PIK3C2G: variants seen among roughly 807,000 people sequenced by gnomAD.
The protein encoded by PIK3C2G is phosphatidylinositol-4-phosphate 3-kinase catalytic subunit type 2 gamma.
In PIK3C2G, 168 loss-of-function variants were observed where a neutral mutation model predicts 181.1. That is an observed-to-expected ratio of 0.93 (90% CI 0.82 to 1.05). The LOEUF (loss-of-function observed/expected upper bound fraction) is 1.05. Ranked by LOEUF, PIK3C2G falls within the 50% of genes least tolerant of loss-of-function variation. The pLI is 0.00. For missense variants in PIK3C2G, 1,869 were observed against 1,732.8 expected (o/e 1.08, Z -1.40); for synonymous variants, 573 against 592.2 (o/e 0.97, Z 0.47).
At chr12:18,470,799 G>A (rs1421081412) in intron 18 of PIK3C2G, among the ~76,000 whole-genome samples, 1 of 152,030 alleles carries the variant, frequency 6.6e-6, no homozygotes, top group Non-Finnish European at 1.5e-5. Context: ...TCAACAGAAG[G>A]GAGGAAAGAT....
In PIK3C2G at chr12:18,491,457, C is replaced by T; in HGVS notation, c.2692C>T (p.Leu898=). 6.5e-7 allele frequency: 1 copy of T among 1,549,346 alleles called. No individual in the cohort carries two copies. The highest frequency in any genetic ancestry group is 8.9e-7 in the Non-Finnish European group (1 of 1,123,844). ...SASDHQRQEV[L]KKEIGRLEEF... ...TTCTAATGATTTTTCACAGGAGGTA[C>T]TGAAGAAAGAAATTGGCAGACTAGA... The change falls in exon 20 of 33, where the codon CTG becomes TTG. Residue 898 remains leucine, a synonymous_variant. Transcript: ENST00000538779.
intron 24 of PIK3C2G, among the ~76,000 whole-genome samples, chr12:18,522,300 G>A (rs1942970763): frequency 6.6e-6 from 1 of 152,180 alleles, no homozygotes; most frequent in Non-Finnish European, 1.5e-5. Context: ...TAGAGTGTTA[G>A]AGAATTCTGA....
intron 18 of PIK3C2G, among the ~76,000 whole-genome samples, chr12:18,480,171 A>T (rs1565432585): frequency 6.6e-6 from 1 of 152,298 alleles, no homozygotes; most frequent in Non-Finnish European, 1.5e-5. Context: ...TGTGTCTTCC[A>T]AAGTGTGCCC....
chr12:18,603,152 T>A (rs1947824138), intron 30 of PIK3C2G, among the ~76,000 whole-genome samples: 2 of 152,124 alleles, frequency 1.3e-5, no homozygotes, highest in Non-Finnish European at 2.9e-5. Flanking sequence ...GGAAAAATAT[T>A]CAAGGAAATA....
intron 24 of PIK3C2G, among the ~76,000 whole-genome samples, chr12:18,520,493 AT>A (rs969212557): frequency 2.6e-5 from 4 of 151,614 alleles, no homozygotes; most frequent in African/African-American, 9.7e-5. Context: ...TCTTTCTTCC[AT>A]TTGGTCAACT....
chr12:18,562,644 A>G, intron 26 of PIK3C2G, 59 bp from the exon 27 acceptor site: 2 of 1,016,688 alleles, frequency 2.0e-6, no homozygotes, highest in East Asian at 5.2e-5. Context: ...CAGATCATAA[A>G]TGAAATGAGT....
At chr12:18,482,654 C>G (rs183029516) in intron 18 of PIK3C2G, among the ~76,000 whole-genome samples, 53 of 152,254 alleles carry the variant, frequency 3.5e-4, no homozygotes, top group Non-Finnish European at 5.6e-4. Flanking sequence ...GCTTTTTCTT[C>G]ATGTTCACAG....
At chr12:18,652,465 A>C (rs1950560770), downstream of PIK3C2G, among the ~76,000 whole-genome samples, 1 of 152,134 alleles carries the variant, frequency 6.6e-6, no homozygotes, top group South Asian at 2.1e-4. Flanking sequence ...AAAGGAACCA[A>C]CCATTGATCT....
chr12:18,683,685 C>T, the PIK3C2G span: 1 of 1,223,884 alleles, frequency 8.2e-7, no homozygotes, highest in South Asian at 1.3e-5. Context: ...CAGTGTAAAT[C>T]ACCCTGGAAA....
At chr12:18,412,597 A>G (rs1411687626) in intron 16 of PIK3C2G, among the ~76,000 whole-genome samples, 1 of 152,082 alleles carries the variant, frequency 6.6e-6, no homozygotes, top group Non-Finnish European at 1.5e-5. Context: ...TTTCAGAAAT[A>G]TATTATTTAT....
intron 14 of PIK3C2G, among the ~76,000 whole-genome samples, chr12:18,387,573 G>A (rs533364168): frequency 1.3e-5 from 2 of 152,162 alleles, no homozygotes; most frequent in African/African-American, 4.8e-5. Context: ...CTGTGTAAAT[G>A]AGATTCATCT....
At chr12:18,280,478 C>A (rs1436682314) in intron 1 of PIK3C2G, among the ~76,000 whole-genome samples, 1 of 151,876 alleles carries the variant, frequency 6.6e-6, no homozygotes, top group Non-Finnish European at 1.5e-5. Flanking sequence ...GGATGAGTGT[C>A]CAGGATAACA....
chr12:18,389,586 T>C (rs1943410188), intron 14 of PIK3C2G, among the ~76,000 whole-genome samples: 1 of 152,200 alleles, frequency 6.6e-6, no homozygotes, highest in South Asian at 2.1e-4. Flanking sequence ...TCTTTCATTA[T>C]GTATGGTGCT....
At chr12:18,719,742 T>C in the PIK3C2G span, 1 of 691,208 alleles carries the variant, frequency 1.4e-6, no homozygotes, top group Non-Finnish European at 2.3e-6. Flanking sequence ...ATTTCTAAAA[T>C]ATTCCTTTAG....
At chr12:18,701,898 C>G in the PIK3C2G span, 2 of 1,339,018 alleles carry the variant, frequency 1.5e-6, no homozygotes, top group South Asian at 3.0e-5. Context: ...TGTAAGAACT[C>G]CATTTTTTCC....
the PIK3C2G span, among the ~76,000 whole-genome samples, chr12:18,654,345 G>A: frequency 6.6e-6 from 1 of 150,622 alleles, no homozygotes; most frequent in Non-Finnish European, 1.5e-5. Flanking sequence ...GCCTTGGAGA[G>A]CAGATATAAT....
At chr12:18,651,964 C>T (rs1802782235), downstream of PIK3C2G, among the ~76,000 whole-genome samples, 1 of 152,154 alleles carries the variant, frequency 6.6e-6, no homozygotes, top group African/African-American at 2.4e-5. Flanking sequence ...CCAAAAAGCT[C>T]ATCTCTCCAG....
intron 13 of PIK3C2G, chr12:18,372,567 T>C (rs1293825403): frequency 1.3e-5 from 2 of 152,210 alleles, no homozygotes; most frequent in East Asian, 3.8e-4. Context: ...TCTTTCCTTC[T>C]CATGAGTGAG....
At chr12:18,476,810 TAAA>T (rs1939050310) in intron 18 of PIK3C2G, among the ~76,000 whole-genome samples, 13 of 151,850 alleles carry the variant, frequency 8.6e-5, no homozygotes, top group Admixed American at 7.2e-4. Flanking sequence ...ATGTTAAGGT[TAAA>T]ATGCCTTAGG....
Sources: gnomAD v4.1 joint callset for allele counts (sites outside exome capture counted in the v4.1 genomes callset) on GRCh38, gnomAD v4.1.1 for gene constraint, MANE v1.5 for transcripts, NCBI Gene and HGNC (gene_info 2026-07-23, HGNC 2026-07-21) for gene names.